NRXN2: variants seen among roughly 807,000 people sequenced by gnomAD.
The protein encoded by NRXN2 is neurexin 2.
In NRXN2, 29 loss-of-function variants were observed where a neutral mutation model predicts 128.8. The ratio of observed to expected loss-of-function variants is 0.23; its 90% CI spans 0.17 to 0.31. The LOEUF (loss-of-function observed/expected upper bound fraction) is 0.31. NRXN2 is among the 10% of genes least tolerant of loss of function. The pLI, the probability that NRXN2 is intolerant of heterozygous loss-of-function variation, is 1.00. For missense variants in NRXN2, 1,881 were observed against 2,452.6 expected (o/e 0.77, Z 4.92); for synonymous variants, 1,098 against 1,075.2 (o/e 1.02, Z -0.41).
At chr11:64,705,021 G>A (rs2056080156) in intron 2 of NRXN2, among the ~76,000 whole-genome samples, 1 of 152,144 alleles carries the variant, frequency 6.6e-6, no homozygotes. Context: ...CCAAGGACTT[G>A]GAAAACTGAG....
intron 12 of NRXN2, 56 bp downstream of exon 12, chr11:64,653,640 G>A (rs2047808298): frequency 6.6e-7 from 1 of 1,523,178 alleles, no homozygotes; most frequent in South Asian, 1.2e-5. Flanking sequence ...CTAAATCCCA[G>A]CGTCCAGCAT....
intron 7 of NRXN2, among the ~76,000 whole-genome samples, chr11:64,673,464 A>G (rs1264159179): frequency 6.6e-6 from 1 of 152,206 alleles, no homozygotes; most frequent in Non-Finnish European, 1.5e-5. Context: ...ATCAGAACAC[A>G]TTGAACCCTG....
At chr11:64,682,651 T>C (rs2052478406) in intron 6 of NRXN2, among the ~76,000 whole-genome samples, 1 of 152,258 alleles carries the variant, frequency 6.6e-6, no homozygotes, top group Non-Finnish European at 1.5e-5. Context: ...CCAGCTTGTC[T>C]TCCAAATTTG....
At chr11:64,658,090 C>T (rs913126553) in intron 11 of NRXN2, among the ~76,000 whole-genome samples, 1 of 152,164 alleles carries the variant, frequency 6.6e-6, no homozygotes, top group East Asian at 1.9e-4. Context: ...GACATTGTTT[C>T]CTGTCTAATC....
intron 2 of NRXN2, among the ~76,000 whole-genome samples, chr11:64,701,007 ACTC>A (rs1434534812): frequency 6.6e-6 from 1 of 151,168 alleles, no homozygotes; most frequent in African/African-American, 2.4e-5. Flanking sequence ...ACAAAACTAA[ACTC>A]CTAGAAATCC....
intron 22 of NRXN2, among the ~76,000 whole-genome samples, chr11:64,617,065 AG>A (rs1277447591): frequency 6.6e-6 from 1 of 152,112 alleles, no homozygotes; most frequent in Admixed American, 6.5e-5. Flanking sequence ...TATGGACTTC[AG>A]GGGGGTATAA....
Position 64,607,812 on chromosome 11 carries a change from G to A in NRXN2, c.4523C>T (p.Thr1508Met), listed in dbSNP as rs1298089019. 6.2e-7 allele frequency: 1 copy of A among 1,601,704 alleles called. No homozygotes were observed. Among genetic ancestry groups the A allele is most frequent in the Non-Finnish European group, 8.5e-7 (1 of 1,174,692 alleles). ...GEVFDSSLPP[T>M]DDEDFYTTFP... ...GGTGGTGTAAAAGTCCTCGTCGTCC[G>A]TGGGGGGGAGGCTGGAGTCAAAGAC... Residue 1508 changes from threonine (T) to methionine (M), a missense_variant, in exon 23 of 23, where the codon ACG (threonine) becomes ATG (methionine). This residue lies in a region of NRXN2 where 310 missense variants were observed against 318.2 expected (regional missense o/e 0.97). Transcript: ENST00000265459.
Position 64,716,887 on chromosome 11 carries a change from C to A in NRXN2, c.-244-2944G>T, listed in dbSNP as rs1205655559. Among the ~76,000 whole-genome samples the A allele has an allele frequency of 3.3e-5, 5 of 152,238 alleles. No individual in the cohort carries two copies. The South Asian group carries it at 1.0e-3, about 32-fold the overall frequency. Reference sequence around the variant, plus strand: ...AGCGGACACCTGGGTCCTTTCCATTCCCCCGCCCAGTGTCCAGGAAACTTG... The same window carrying A: ...AGCGGACACCTGGGTCCTTTCCATTACCCCGCCCAGTGTCCAGGAAACTTG... On this transcript the variant is annotated intron_variant, in intron 1 of 22. Coordinates refer to ENST00000265459, the MANE Select transcript of NRXN2 (RefSeq NM_015080.4).
rs2518907 is a variant in NRXN2, at chr11:64,713,169, G to A, written c.531C>T (p.Gly177=). The change falls in exon 2 of 23, where the codon GGC becomes GGT. Residue 177 remains glycine (G), a synonymous_variant. Transcript: ENST00000265459. The part of the protein sequence containing the change: ...STVKYEPPFR[G]LLANLKLGER... Reference sequence around the variant, plus strand: ...CGCCCAGCTTCAGGTTGGCCAAGAGGCCGCGGAAGGGCGGCTCGTACTTGA... The same window carrying A: ...CGCCCAGCTTCAGGTTGGCCAAGAGACCGCGGAAGGGCGGCTCGTACTTGA... The A allele has an allele frequency of 0.71, 1,039,507 of 1,459,730 alleles. 379,026 individuals carry two copies. The highest frequency in any genetic ancestry group is 0.78 in the Middle Eastern group (3,853 of 4,970). The allele number at this position is 1,459,730 out of a possible 1,614,324, so 90.4% of individuals were successfully genotyped here.
At chr11:64,692,321 C>T (rs1269810279) in intron 4 of NRXN2, among the ~76,000 whole-genome samples, 1 of 152,192 alleles carries the variant, frequency 6.6e-6, no homozygotes, top group Non-Finnish European at 1.5e-5. Flanking sequence ...CCTCTACTCC[C>T]ATTTCCCTTC....
At chr11:64,653,794 A>G (rs1436094613) in intron 11 of NRXN2, 72 bp from the exon 12 acceptor site, 3 of 1,045,034 alleles carry the variant, frequency 2.9e-6, no homozygotes, top group South Asian at 1.5e-5. Flanking sequence ...TTTTTTTTAC[A>G]TCCTTCACAG....
At chr11:64,697,744 A>G (rs1389669008) in intron 3 of NRXN2, 31 bp downstream of exon 3, 40 of 1,613,418 alleles carry the variant, frequency 2.5e-5, no homozygotes, top group Non-Finnish European at 3.2e-5. Flanking sequence ...CAACAGATCC[A>G]CTACCCCAGT....
At chr11:64,665,737 C>A (rs556752910) in intron 9 of NRXN2, among the ~76,000 whole-genome samples, 1 of 152,122 alleles carries the variant, frequency 6.6e-6, no homozygotes, top group Admixed American at 6.5e-5. Context: ...CAGTGACAGG[C>A]GGAGGAGCAC....
intron 1 of NRXN2, among the ~76,000 whole-genome samples, chr11:64,717,686 C>G (rs1325777046): frequency 1.3e-5 from 2 of 152,254 alleles, no homozygotes; most frequent in African/African-American, 4.8e-5. Context: ...GCTTTGGGCT[C>G]CGTCTGCATC....
At position 64,660,339 on chromosome 11, in the gene NRXN2, G is replaced by T. The variant is rs746613784; in HGVS notation, c.2382C>A (p.Val794=). 1.9e-6 allele frequency: 3 copies of T among 1,613,510 alleles called. No individual in the cohort carries two copies. In the African/African-American group the frequency reaches 4.0e-5, roughly 22 times the overall value. The change falls in exon 11 of 23, where the codon GTC becomes GTA. Residue 794 remains valine, a synonymous_variant. Transcript: ENST00000265459. The surrounding 1 kb of genome is among the most constrained non-coding windows in gnomAD (Gnocchi z 5.2). ...ACAGGGCAGGGTGGTTACCGAGGTT[G>T]ACAGTGAGCTTCATCTGCCCCCCAT... is the stretch of plus-strand genomic sequence containing the variant. The part of the protein sequence containing the change: ...ELDGGQMKLT[V]NLDCLRVGCA...
In NRXN2 at chr11:64,630,589, TGGA is replaced by T; in HGVS notation, c.3586-19_3586-17del. ...TGCCCTGGTCCTGGGGACATGGAGGTGGAGGTCAGCGACCAGAGGGAGCAACCA... is the reference window on the plus strand; with the variant it reads ...TGCCCTGGTCCTGGGGACATGGAGGTGGTCAGCGACCAGAGGGAGCAACCA... On this transcript the variant is annotated splice_polypyrimidine_tract_variant and intron_variant, in intron 18 of 22. Transcript: ENST00000265459. This position sits in a 1 kb window ranked among gnomAD's most constrained non-coding sequence, Gnocchi z 4.6. 1 of 1,613,390 alleles carries T rather than the reference TGGA, an allele frequency of 6.2e-7. No homozygotes were observed.
At chr11:64,690,516 C>T (rs761831982) in intron 4 of NRXN2, 40 bp from the exon 5 acceptor site, 10 of 1,546,574 alleles carry the variant, frequency 6.5e-6, no homozygotes, top group East Asian at 4.6e-5. Context: ...CAGGGGGTAC[C>T]GAGCCAGTCC....
Position 64,650,509 on chromosome 11 carries a change from G to A in NRXN2, c.3048C>T (p.Leu1016=), listed in dbSNP as rs1427997396. ...VSRDPGNVHT[L]KIDSRTVTQH... Reference sequence around the variant, plus strand: ...GCGTGACAGTGCGGGAGTCAATCTTGAGCGTGTGCACGTTGCCTGGGTCCC... The same window carrying A: ...GCGTGACAGTGCGGGAGTCAATCTTAAGCGTGTGCACGTTGCCTGGGTCCC... Residue 1016 remains leucine (L), a synonymous_variant, in exon 15 of 23, where the codon CTC becomes CTT. Transcript: ENST00000265459. The A allele has an allele frequency of 6.2e-7, 1 of 1,614,106 alleles. No homozygotes were observed.
At chr11:64,680,368 T>C (rs923710320) in intron 6 of NRXN2, among the ~76,000 whole-genome samples, 1 of 152,236 alleles carries the variant, frequency 6.6e-6, no homozygotes, top group Admixed American at 6.5e-5. Context: ...GGGACCCATT[T>C]TTCAGACATA....
Sources: allele counts gnomAD v4.1 joint callset (sites outside exome capture counted in the v4.1 genomes callset), GRCh38; gene constraint gnomAD v4.1.1; regional missense constraint gnomAD v4.1.1; non-coding constraint Gnocchi (gnomAD v3.1); transcripts MANE v1.5; gene names NCBI Gene and HGNC (gene_info 2026-07-23, HGNC 2026-07-21).